Variants in GRIK2 observed in about 807,000 individuals in gnomAD.
GRIK2 encodes the protein glutamate ionotropic receptor kainate type subunit 2.
In GRIK2, 32 loss-of-function variants were observed where a neutral mutation model predicts 100.3. That is an observed-to-expected ratio of 0.32 (90% CI 0.24 to 0.43). The LOEUF (loss-of-function observed/expected upper bound fraction) is 0.43, where lower values mean the gene tolerates loss of function less well. Among genes scored for constraint, GRIK2 ranks in the 20% least tolerant of loss-of-function variants. GRIK2 has a pLI of 1.00. For missense variants in GRIK2, 843 were observed against 1,114.9 expected (o/e 0.76, Z 3.47); for synonymous variants, 417 against 389.4 (o/e 1.07, Z -0.83).
chr6:102,010,460 TG>T (rs1795473509), intron 14 of GRIK2, among the ~76,000 whole-genome samples: 1 of 151,944 alleles, frequency 6.6e-6, no homozygotes, highest in African/African-American at 2.4e-5. Flanking sequence ...CTAGGCTCAC[TG>T]CAACCTCCGC....
chr6:101,941,733 T>C (rs948327287), intron 14 of GRIK2, among the ~76,000 whole-genome samples: 12 of 152,130 alleles, frequency 7.9e-5, no homozygotes, highest in African/African-American at 2.9e-4. Context: ...AAAAGAAATA[T>C]TGTAAATAAG....
chr6:101,415,225 T>G (rs1341058076), intron 2 of GRIK2, among the ~76,000 whole-genome samples: 2 of 152,022 alleles, frequency 1.3e-5, no homozygotes, highest in Admixed American at 6.6e-5. Context: ...ATATAGAAAA[T>G]TATAAATAAA....
intron 14 of GRIK2, among the ~76,000 whole-genome samples, chr6:102,021,127 CT>C (rs1426457686): frequency 6.6e-6 from 1 of 151,652 alleles, no homozygotes; most frequent in Non-Finnish European, 1.5e-5. Context: ...TTTATGTTAG[CT>C]TTCTCAGGAA....
chr6:102,012,806 G>A (rs1283364186), intron 14 of GRIK2, among the ~76,000 whole-genome samples: 1 of 152,102 alleles, frequency 6.6e-6, no homozygotes, highest in Non-Finnish European at 1.5e-5. Context: ...GTCTGTTTGT[G>A]TACCAGTACC....
chr6:101,959,741 G>A (rs909512800), intron 14 of GRIK2, among the ~76,000 whole-genome samples: 1 of 152,002 alleles, frequency 6.6e-6, no homozygotes, highest in Non-Finnish European at 1.5e-5. Context: ...ATTTTGTTGA[G>A]AGTCCCTTTA....
intron 7 of GRIK2, among the ~76,000 whole-genome samples, chr6:101,687,842 A>G (rs903277010): frequency 2.6e-5 from 4 of 151,644 alleles, no homozygotes; most frequent in Non-Finnish European, 5.9e-5. Flanking sequence ...TATTGAGAGG[A>G]AAATACCTAA....
intron 7 of GRIK2, among the ~76,000 whole-genome samples, chr6:101,793,725 C>T (rs1420449156): frequency 6.6e-6 from 1 of 152,160 alleles, no homozygotes; most frequent in Non-Finnish European, 1.5e-5. Flanking sequence ...GGGAGAACCA[C>T]TGCTCTCTTC....
intron 2 of GRIK2, among the ~76,000 whole-genome samples, chr6:101,440,469 C>T (rs973406982): frequency 6.6e-6 from 1 of 152,130 alleles, no homozygotes. Context: ...AGTTCAAATG[C>T]TTGTGCAGTT....
chr6:101,939,839 T>G (rs1790849990), intron 14 of GRIK2, among the ~76,000 whole-genome samples: 1 of 152,114 alleles, frequency 6.6e-6, no homozygotes, highest in Non-Finnish European at 1.5e-5. Flanking sequence ...GGATTCCATA[T>G]TGTCAGAATG....
chr6:101,632,320 T>C (rs982617621), intron 4 of GRIK2, among the ~76,000 whole-genome samples: 1 of 152,112 alleles, frequency 6.6e-6, no homozygotes, highest in African/African-American at 2.4e-5. Context: ...CAACCACACA[T>C]CTGAGCAGGG....
chr6:101,539,481 TA>T (rs1254872834), intron 2 of GRIK2, among the ~76,000 whole-genome samples: 8 of 151,788 alleles, frequency 5.3e-5, no homozygotes, highest in Non-Finnish European at 1.2e-4. Flanking sequence ...ATATCAACTA[TA>T]AAGTGTCATC....
At chr6:101,804,319 A>G (rs1042103135) in intron 9 of GRIK2, among the ~76,000 whole-genome samples, 1 of 152,026 alleles carries the variant, frequency 6.6e-6, no homozygotes, top group Admixed American at 6.6e-5. Flanking sequence ...TTTAGTCATA[A>G]CATAGATACC....
chr6:101,609,357 GAGTA>G (rs1475324265), intron 2 of GRIK2, among the ~76,000 whole-genome samples: 1 of 151,802 alleles, frequency 6.6e-6, no homozygotes, highest in East Asian at 1.9e-4. Flanking sequence ...TAGTTGTAAA[GAGTA>G]AGAATTTTTA....
chr6:101,783,893 T>G (rs111323259), intron 7 of GRIK2, among the ~76,000 whole-genome samples: 5,093 of 152,294 alleles, frequency 0.033, 201 homozygotes, highest in African/African-American at 0.094. Context: ...ACATTCAAGA[T>G]GTAACCTGGC....
chr6:101,709,373 C>T (rs1773550933), intron 7 of GRIK2, among the ~76,000 whole-genome samples: 1 of 151,788 alleles, frequency 6.6e-6, no homozygotes, highest in Non-Finnish European at 1.5e-5. Flanking sequence ...AAAACTAAAA[C>T]CCACCTCTAA....
chr6:101,730,031 T>G (rs999506502), intron 7 of GRIK2, among the ~76,000 whole-genome samples: 2 of 151,912 alleles, frequency 1.3e-5, no homozygotes, highest in Admixed American at 1.3e-4. Flanking sequence ...TAAATTTCAG[T>G]GAATAAAATA....
intron 7 of GRIK2, chr6:101,745,096 A>G (rs1776344056): frequency 6.6e-6 from 1 of 152,212 alleles, no homozygotes; most frequent in Non-Finnish European, 1.5e-5. Flanking sequence ...AAAATTTATT[A>G]AATGAATGCT....
At chr6:101,432,892 C>T (rs564571721) in intron 2 of GRIK2, among the ~76,000 whole-genome samples, 2 of 152,132 alleles carry the variant, frequency 1.3e-5, no homozygotes, top group South Asian at 4.2e-4. Context: ...ACTATTAAAA[C>T]ATTATACATA....
chr6:101,781,301 C>T (rs529742015), intron 7 of GRIK2, among the ~76,000 whole-genome samples: 16 of 152,156 alleles, frequency 1.1e-4, no homozygotes, highest in Non-Finnish European at 2.4e-4. Context: ...TCCAGGACAA[C>T]GACTGGAAAT....
Sources: gnomAD v4.1 joint callset for allele counts (sites outside exome capture counted in the v4.1 genomes callset) on GRCh38, gnomAD v4.1.1 for gene constraint, MANE v1.5 for transcripts, NCBI Gene and HGNC (gene_info 2026-07-23, HGNC 2026-07-21) for gene names.